FMN2: variants seen among roughly 807,000 people sequenced by gnomAD.
FMN2 encodes the protein formin-2.
Under a neutral mutation model 142.3 loss-of-function variants are expected in FMN2, and 51 were observed. The observed-to-expected ratio is 0.36, with a 90% confidence interval of 0.29 to 0.45. The LOEUF (loss-of-function observed/expected upper bound fraction) is 0.45. Ranked by LOEUF, FMN2 falls within the 20% of genes least tolerant of loss-of-function variation. The probability of loss-of-function intolerance (pLI) is 1.00; values close to 1 mark genes in which losing one functional copy is unlikely to be tolerated. For missense variants in FMN2, 1,936 were observed against 2,122.8 expected, an observed-to-expected ratio of 0.91 and a Z score of 1.73; for synonymous variants, 882 against 869.8, an observed-to-expected ratio of 1.01 and a Z score of -0.25.
At chr1:240,171,657 ACT>A (rs1347881796) in intron 2 of FMN2, among the ~76,000 whole-genome samples, 2 of 152,172 alleles carry the variant, frequency 1.3e-5, no homozygotes, top group South Asian at 4.1e-4. Flanking sequence ...TCAGCGAAGC[ACT>A]CTTAGAATGC....
Position 240,207,213 on chromosome 1 carries a change from C to A in FMN2, c.2401C>A (p.His801Asn). The stretch of plus-strand genomic sequence containing the variant: ...GCGAATATCAGTCCAGCTCGACAGC[C>A]ATCAGCCCACACAGAGCATCTCACA... ...PRRISVQLDS[H>N]QPTQSISQPP... The change falls in exon 5 of 18, where the codon CAT becomes AAT. Residue 801 changes from histidine (H) to asparagine (N), a missense_variant. Transcript: ENST00000319653. 6.2e-7 allele frequency: 1 copy of A among 1,614,024 alleles called. No homozygotes were observed. The highest frequency in any genetic ancestry group is 1.7e-4 in the Middle Eastern group (1 of 6,060).
At chr1:240,113,661 T>G (rs534711193) in intron 1 of FMN2, among the ~76,000 whole-genome samples, 1 of 151,934 alleles carries the variant, frequency 6.6e-6, no homozygotes, top group African/African-American at 2.4e-5. Flanking sequence ...AGTAGGTGAG[T>G]GTCTCCTGAT....
chr1:240,145,732 A>G (rs1192208042), intron 2 of FMN2, among the ~76,000 whole-genome samples: 1 of 150,566 alleles, frequency 6.6e-6, no homozygotes, highest in Non-Finnish European at 1.5e-5. Flanking sequence ...CTGGTCTTGA[A>G]CTCTTGGCCT....
At chr1:240,132,710 T>C (rs1209672448) in intron 2 of FMN2, among the ~76,000 whole-genome samples, 5 of 152,060 alleles carry the variant, frequency 3.3e-5, no homozygotes, top group African/African-American at 1.2e-4. Flanking sequence ...ATACGGGCTT[T>C]GGAAGTGGAG....
rs201067071 is a variant in FMN2, at chr1:240,438,115, G to C, written c.4965G>C (p.Glu1655Asp). 6.8e-6 allele frequency: 11 copies of C among 1,613,976 alleles called. No individual in the cohort carries two copies. The Admixed American group carries it at 1.3e-4, about 20-fold the overall frequency. ...TGAAACCAAAACTTGGAGAGAAGGA[G>C]GTGTCCCCAAATGCTTTCTTCAGTA... is the stretch of plus-strand genomic sequence containing the variant. ...FFMKPKLGEK[E>D]VSPNAFFSIW... Residue 1655 changes from glutamate to aspartate, a missense_variant, in exon 16 of 18, where the codon GAG becomes GAC. Physicochemically the swap from Glu to Asp is conservative, Grantham distance 45. Coordinates refer to ENST00000319653, the MANE Select transcript of FMN2 (RefSeq NM_020066.5).
rs536334147 is a variant in FMN2 at position 240,436,682 on chromosome 1, A to AG, written c.4911-1379_4911-1378insG. ...ACAGTGTGAGACTCCGTCTCAAAAA[A>AG]AAAAAAAACTCAATATTTTAATGCT... On this transcript the variant is annotated intron_variant, in intron 15 of 17. Transcript: ENST00000319653. Among the ~76,000 whole-genome samples, 96 of 147,886 alleles carry AG rather than the reference A, an allele frequency of 6.5e-4. 1 individual carries two copies. In the South Asian group the frequency reaches 0.018, roughly 27 times the overall value.
At chr1:240,201,367 C>A (rs138510604) in intron 4 of FMN2, among the ~76,000 whole-genome samples, 54 of 152,230 alleles carry the variant, frequency 3.5e-4, no homozygotes, top group African/African-American at 1.1e-3. Context: ...TTCTTGAAGT[C>A]AGAGAAGGTG....
At chr1:240,123,032 C>T (rs1571951188) in intron 1 of FMN2, 147 bp from the exon 2 acceptor site, 3 of 829,464 alleles carry the variant, frequency 3.6e-6, no homozygotes, top group Admixed American at 2.9e-5. Flanking sequence ...GAGCTTTCTC[C>T]TAGCTTGAGA....
At chr1:240,196,080 A>C (rs745860708) in intron 4 of FMN2, among the ~76,000 whole-genome samples, 1 of 152,226 alleles carries the variant, frequency 6.6e-6, no homozygotes, top group Non-Finnish European at 1.5e-5. Flanking sequence ...TGAGTGATGG[A>C]GTCTCCACAT....
intron 16 of FMN2, among the ~76,000 whole-genome samples, chr1:240,444,179 T>C (rs1027332568): frequency 3.3e-5 from 5 of 152,300 alleles, no homozygotes; most frequent in Admixed American, 1.3e-4. Context: ...TCATTCCATA[T>C]GGAGTCGTAC....
intron 7 of FMN2, among the ~76,000 whole-genome samples, chr1:240,283,285 G>A (rs191103039): frequency 1.3e-4 from 20 of 152,290 alleles, no homozygotes; most frequent in Non-Finnish European, 2.4e-4. Flanking sequence ...GGAAAAGGAG[G>A]CTTCTTCCCC....
intron 2 of FMN2, among the ~76,000 whole-genome samples, chr1:240,134,967 G>A (rs1662880563): frequency 1.3e-5 from 2 of 152,254 alleles, no homozygotes; most frequent in South Asian, 4.1e-4. Context: ...TTGGTGTTAT[G>A]TTCATGACCA....
At chr1:240,180,207 T>C (rs986280706) in intron 3 of FMN2, 2 of 1,270,588 alleles carry the variant, frequency 1.6e-6, no homozygotes, top group Non-Finnish European at 2.1e-6. Context: ...CTTAGTGACT[T>C]ATTTTTCTCT....
At chr1:240,144,563 C>A (rs752291504) in intron 2 of FMN2, 1 of 1,388,124 alleles carries the variant, frequency 7.2e-7, no homozygotes, top group East Asian at 2.3e-5. Flanking sequence ...CATGTCATTG[C>A]GCATCAGTGC....
chr1:240,119,624 G>A (rs76064459), intron 1 of FMN2, among the ~76,000 whole-genome samples: 3,676 of 152,240 alleles, frequency 0.024, 154 homozygotes, highest in African/African-American at 0.083. Flanking sequence ...CGCTAAACAC[G>A]GAAATACCAG....
chr1:240,145,291 TG>T (rs1663396408), intron 2 of FMN2: 1 of 1,406,062 alleles, frequency 7.1e-7, no homozygotes, highest in Non-Finnish European at 9.7e-7. Flanking sequence ...CCTTGCCGCT[TG>T]GCTTCTCATC....
chr1:240,213,231 A>G (rs10926168), intron 6 of FMN2, among the ~76,000 whole-genome samples: 47,590 of 151,900 alleles, frequency 0.31, 8,362 homozygotes, highest in Non-Finnish European at 0.39. Context: ...TCGGTAAGAG[A>G]CTTTGCCAAT....
intron 8 of FMN2, among the ~76,000 whole-genome samples, chr1:240,303,457 G>A (rs1413028912): frequency 6.6e-6 from 1 of 152,106 alleles, no homozygotes; most frequent in African/African-American, 2.4e-5. Flanking sequence ...ACTTTATTTT[G>A]TTTCAGTACT....
chr1:240,179,143 A>G (rs1665047594), intron 3 of FMN2, among the ~76,000 whole-genome samples: 2 of 152,200 alleles, frequency 1.3e-5, no homozygotes, highest in Admixed American at 1.3e-4. Context: ...AGGCATTTAT[A>G]TGAAGCATTA....
Sources: allele counts gnomAD v4.1 joint callset (sites outside exome capture counted in the v4.1 genomes callset), GRCh38; gene constraint gnomAD v4.1.1; transcripts MANE v1.5; gene names NCBI Gene and HGNC (gene_info 2026-07-23, HGNC 2026-07-21).